Variants in KAZN observed in about 807,000 individuals in gnomAD.
KAZN encodes the protein kazrin, periplakin interacting protein, also known as kazrin.
A neutral mutation model predicts 87.4 loss-of-function variants in KAZN; 40 were observed. The ratio of observed to expected loss-of-function variants is 0.46; its 90% CI spans 0.36 to 0.60. The LOEUF is 0.60. KAZN is among the 20% of genes least tolerant of loss of function. The probability of loss-of-function intolerance (pLI) is 0.00; values close to 1 mark genes in which losing one functional copy is unlikely to be tolerated. For synonymous variants in KAZN, 466 were observed against 458.3 expected (o/e 1.02, Z -0.22); for missense variants, 898 against 1,073.9 (o/e 0.84, Z 2.29).
intron 2 of KAZN, among the ~76,000 whole-genome samples, chr1:14,421,405 CAAG>C (rs1431887523): frequency 6.6e-6 from 1 of 152,098 alleles, no homozygotes; most frequent in Non-Finnish European, 1.5e-5. Context: ...AGTCTCCATC[CAAG>C]AAGGACACGA....
chr1:15,034,593 C>G (rs1170735011), intron 2 of KAZN, among the ~76,000 whole-genome samples, 156 bp from the exon 3 acceptor site: 2 of 152,210 alleles, frequency 1.3e-5, no homozygotes, highest in East Asian at 3.8e-4. Flanking sequence ...GGAAGGCCAC[C>G]AAGTGGCAAG....
chr1:14,407,293 A>AT (rs1399970340), intron 2 of KAZN, among the ~76,000 whole-genome samples: 1 of 152,202 alleles, frequency 6.6e-6, no homozygotes, highest in Non-Finnish European at 1.5e-5. Flanking sequence ...ATAGACAAGT[A>AT]TTTAATTTTA....
chr1:13,962,339 T>C (rs1641785540), intron 1 of KAZN, among the ~76,000 whole-genome samples: 1 of 152,060 alleles, frequency 6.6e-6, no homozygotes, highest in Non-Finnish European at 1.5e-5. Context: ...TCCCTATCTC[T>C]GGTGGGGCTG....
At chr1:14,403,999 A>T (rs1300172275) in intron 2 of KAZN, among the ~76,000 whole-genome samples, 1 of 152,022 alleles carries the variant, frequency 6.6e-6, no homozygotes, top group East Asian at 1.9e-4. Context: ...TTATAGAGGA[A>T]CTTGAGGGGG....
chr1:14,592,096 C>T (rs1676236671), intron 2 of KAZN, among the ~76,000 whole-genome samples: 1 of 152,124 alleles, frequency 6.6e-6, no homozygotes, highest in Non-Finnish European at 1.5e-5. Context: ...GATCTGTTGC[C>T]CTTTTCCCCA....
chr1:14,703,458 C>T (rs1018139431), intron 1 of KAZN, among the ~76,000 whole-genome samples: 2 of 152,236 alleles, frequency 1.3e-5, no homozygotes, highest in Non-Finnish European at 2.9e-5. Flanking sequence ...TCTTCTTCTC[C>T]CTGCTGCCAT....
At chr1:14,800,119 G>A (rs1645961688) in intron 1 of KAZN, among the ~76,000 whole-genome samples, 1 of 152,150 alleles carries the variant, frequency 6.6e-6, no homozygotes, top group African/African-American at 2.4e-5. Flanking sequence ...GAGATTTACG[G>A]GAGGCAGAAT....
chr1:14,681,661 T>G (rs1224597224), intron 1 of KAZN, among the ~76,000 whole-genome samples: 1 of 6,926 alleles, frequency 1.4e-4, no homozygotes, highest in African/African-American at 4.1e-4. Context: ...ATATATATTT[T>G]TTTTTTTTTT....
At chr1:14,404,340 G>A (rs1210527026) in intron 2 of KAZN, among the ~76,000 whole-genome samples, 1 of 152,174 alleles carries the variant, frequency 6.6e-6, no homozygotes, top group Non-Finnish European at 1.5e-5. Flanking sequence ...TCTGCAGCTC[G>A]ATTTTTCAGG....
intron 4 of KAZN, among the ~76,000 whole-genome samples, chr1:15,050,482 A>G (rs1304565910): frequency 1.3e-5 from 2 of 152,186 alleles, no homozygotes; most frequent in East Asian, 1.9e-4. Flanking sequence ...ACAGGCCCAG[A>G]CGAGAGGCAG....
chr1:14,871,375 T>C (rs187655547), intron 1 of KAZN, among the ~76,000 whole-genome samples: 406 of 152,180 alleles, frequency 2.7e-3, no homozygotes, highest in Non-Finnish European at 4.3e-3. Context: ...TGGTTTCCTT[T>C]TGCATACAAA....
At chr1:14,329,297 T>C (rs1656678666) in intron 2 of KAZN, among the ~76,000 whole-genome samples, 2 of 152,026 alleles carry the variant, frequency 1.3e-5, no homozygotes, top group Non-Finnish European at 2.9e-5. Flanking sequence ...GCTTGGGGGA[T>C]GTTTGCATCA....
intron 2 of KAZN, among the ~76,000 whole-genome samples, chr1:14,260,098 C>T (rs1008623731): frequency 4.6e-5 from 7 of 152,156 alleles, no homozygotes; most frequent in African/African-American, 7.2e-5. Flanking sequence ...AAAAATTTCA[C>T]GACCTCTTCC....
At chr1:14,931,739 C>T (rs1026977571) in intron 1 of KAZN, among the ~76,000 whole-genome samples, 3 of 152,030 alleles carry the variant, frequency 2.0e-5, no homozygotes, top group Non-Finnish European at 4.4e-5. Flanking sequence ...AGTAAGAAAC[C>T]CAGGAGGGCA....
At chr1:14,050,034 T>C (rs980461544) in intron 1 of KAZN, among the ~76,000 whole-genome samples, 8 of 151,860 alleles carry the variant, frequency 5.3e-5, no homozygotes, top group Non-Finnish European at 1.0e-4. Context: ...TGGGCATGCA[T>C]GTGCACGTGT....
Position 15,114,770 on chromosome 1 carries a change from T to C in KAZN, c.*135T>C, listed in dbSNP as rs759414708. 3.3e-5 allele frequency: 29 copies of C among 866,560 alleles called. No homozygotes were observed. The highest frequency in any genetic ancestry group is 4.7e-5 in the Non-Finnish European group (27 of 574,484). The allele number at this position is 866,560 out of a possible 1,614,324, so 53.7% of individuals were successfully genotyped here. A position where few individuals can be genotyped will look rare whatever the true frequency, so the allele number is the denominator to read the frequency against. On this transcript the variant is annotated 3_prime_UTR_variant, in exon 15 of 15. Transcript: ENST00000376030. ...CCCTTGCTCCTGGGCAAAATCCCGA[T>C]GGACTCTGCGGTTTCAGCTCCACAG...
chr1:14,897,148 T>A (rs1170896499), intron 1 of KAZN, among the ~76,000 whole-genome samples: 1 of 152,186 alleles, frequency 6.6e-6, no homozygotes, highest in Non-Finnish European at 1.5e-5. Flanking sequence ...CAGGCTGAAG[T>A]TCTGAACATT....
intron 1 of KAZN, among the ~76,000 whole-genome samples, chr1:14,690,682 T>C (rs1314761619): frequency 6.6e-6 from 1 of 152,194 alleles, no homozygotes; most frequent in Non-Finnish European, 1.5e-5. Flanking sequence ...ACAAGATGCT[T>C]TTATTCAGAC....
chr1:14,762,611 G>C (rs1644771640), intron 1 of KAZN, among the ~76,000 whole-genome samples: 1 of 152,068 alleles, frequency 6.6e-6, no homozygotes. Flanking sequence ...TGTAGTCCCA[G>C]CTACTCGGGA....
Sources: gnomAD v4.1 joint callset for allele counts (sites outside exome capture counted in the v4.1 genomes callset) on GRCh38, gnomAD v4.1.1 for gene constraint, MANE v1.5 for transcripts, NCBI Gene and HGNC (gene_info 2026-07-23, HGNC 2026-07-21) for gene names.